The following MND1 variants were observed in gnomAD, a reference collection of about 807,000 sequenced individuals.
MND1 encodes meiotic nuclear division protein 1 homolog.
Under a neutral mutation model 35.1 loss-of-function variants are expected in MND1, and 28 were observed. The ratio of observed to expected loss-of-function variants is 0.80; its 90% CI spans 0.59 to 1.09. MND1 has a LOEUF of 1.09. Among genes scored for constraint, MND1 ranks in the 50% least tolerant of loss-of-function variants. The pLI, the probability that MND1 is intolerant of heterozygous loss-of-function variation, is 0.00. For missense variants in MND1, 213 were observed against 239.6 expected (o/e 0.89, Z 0.73); for synonymous variants, 69 against 70.5 (o/e 0.98, Z 0.11).
chr4:153,386,838 A>T (rs912772353), intron 4 of MND1, among the ~76,000 whole-genome samples: 1 of 152,226 alleles, frequency 6.6e-6, no homozygotes, highest in Non-Finnish European at 1.5e-5. Context: ...CATGTTTTTA[A>T]TGTTATCCAT....
chr4:153,395,247 AG>A (rs1401636266), intron 5 of MND1, among the ~76,000 whole-genome samples: 1 of 152,252 alleles, frequency 6.6e-6, no homozygotes, highest in Non-Finnish European at 1.5e-5. Context: ...AGTTGACAGT[AG>A]CAACTACTAC....
chr4:153,374,998 G>T (rs528031749), intron 4 of MND1, among the ~76,000 whole-genome samples: 101 of 152,200 alleles, frequency 6.6e-4, no homozygotes, highest in Non-Finnish European at 1.1e-3. Flanking sequence ...ACTTTAATTG[G>T]TAAGGCAAAA....
intron 6 of MND1, among the ~76,000 whole-genome samples, chr4:153,405,189 T>G (rs1487544811): frequency 1.3e-5 from 2 of 152,098 alleles, no homozygotes; most frequent in African/African-American, 2.4e-5. Context: ...AAAAGAATCT[T>G]GAAAAAGAAC....
intron 1 of MND1, among the ~76,000 whole-genome samples, chr4:153,346,895 C>A (rs992847478): frequency 6.6e-6 from 1 of 152,192 alleles, no homozygotes; most frequent in Non-Finnish European, 1.5e-5. Context: ...CACTGAAATT[C>A]TAAAGGGATT....
Position 153,358,457 on chromosome 4 carries a change from TA to T in MND1, c.128-12del. ...TGGTGTTTTTCTAACATAGAGTCTT[TA>T]AAAATTGTCTCTTAGCTGCTATGTC... is the stretch of plus-strand genomic sequence containing the variant. On this transcript the variant is annotated splice_polypyrimidine_tract_variant and intron_variant, in intron 3 of 7. Transcript: ENST00000240488. The T allele has an allele frequency of 6.4e-7, 1 of 1,568,364 alleles. No individual in the cohort carries two copies. Among genetic ancestry groups the T allele is most frequent in the East Asian group, 2.3e-5 (1 of 43,690 alleles).
chr4:153,364,590 A>G (rs1177324813), intron 4 of MND1, among the ~76,000 whole-genome samples: 1 of 152,234 alleles, frequency 6.6e-6, no homozygotes, highest in Non-Finnish European at 1.5e-5. Flanking sequence ...CTATTTGTAC[A>G]CCCACATTCA....
chr4:153,407,715 T>C (rs1240063135), intron 6 of MND1, among the ~76,000 whole-genome samples: 1 of 152,138 alleles, frequency 6.6e-6, no homozygotes, highest in Non-Finnish European at 1.5e-5. Flanking sequence ...AATGAGGTAT[T>C]GATACATGAA....
chr4:153,356,887 G>A (rs1178855604), intron 3 of MND1, among the ~76,000 whole-genome samples: 1 of 152,010 alleles, frequency 6.6e-6, no homozygotes, highest in Admixed American at 6.6e-5. Flanking sequence ...CAGTGGTGCA[G>A]TCCTGGCACA....
chr4:153,369,103 T>C (rs9761367), intron 4 of MND1, among the ~76,000 whole-genome samples: 4,467 of 152,296 alleles, frequency 0.029, 231 homozygotes, highest in African/African-American at 0.099. Context: ...TTATTGGATT[T>C]AGTTCCTTGC....
At chr4:153,348,329 G>A (rs1199496736) in intron 1 of MND1, among the ~76,000 whole-genome samples, 1 of 152,174 alleles carries the variant, frequency 6.6e-6, no homozygotes, top group East Asian at 1.9e-4. Context: ...TATGAGAGAG[G>A]AAGAGTTCAG....
chr4:153,360,287 A>G (rs1414776186), intron 4 of MND1, among the ~76,000 whole-genome samples: 1 of 152,116 alleles, frequency 6.6e-6, no homozygotes, highest in African/African-American at 2.4e-5. Context: ...TCATTATCTC[A>G]ACAGCATCTT....
intron 4 of MND1, among the ~76,000 whole-genome samples, chr4:153,392,776 C>T (rs564594937): frequency 6.6e-6 from 1 of 152,300 alleles, no homozygotes; most frequent in South Asian, 2.1e-4. Flanking sequence ...CCACATATAA[C>T]TTACCTACTT....
At chr4:153,402,687 G>A (rs1729375716) in intron 6 of MND1, among the ~76,000 whole-genome samples, 1 of 152,140 alleles carries the variant, frequency 6.6e-6, no homozygotes, top group Non-Finnish European at 1.5e-5. Context: ...GTGGTTCCCT[G>A]GAGGACACCA....
chr4:153,389,190 C>T (rs1444540706), intron 4 of MND1, among the ~76,000 whole-genome samples: 1 of 152,172 alleles, frequency 6.6e-6, no homozygotes, highest in Non-Finnish European at 1.5e-5. Context: ...TAATTTGTAG[C>T]TTGGCTTTCA....
At chr4:153,381,657 TATATAATATA>T (rs1223803247) in intron 4 of MND1, 4 of 106,364 alleles carry the variant, frequency 3.8e-5, no homozygotes, top group Non-Finnish European at 3.7e-5. Flanking sequence ...ATATATAATA[TATATAATATA>T]ATATATATAT....
chr4:153,393,368 CTTTTTTTTT>C (rs60689772), intron 4 of MND1, among the ~76,000 whole-genome samples: 1 of 125,336 alleles, frequency 8.0e-6, no homozygotes, highest in African/African-American at 3.0e-5. Flanking sequence ...CAATTTCTTT[CTTTTTTTTT>C]TTTTTTTTTT....
chr4:153,362,470 G>T (rs1407721892), intron 4 of MND1, among the ~76,000 whole-genome samples: 1 of 152,138 alleles, frequency 6.6e-6, no homozygotes, highest in East Asian at 1.9e-4. Context: ...TGCTCGCCCT[G>T]AGTAAAGGAT....
chr4:153,394,285 T>C lies in MND1; in HGVS notation c.300T>C (p.His100=). 3.1e-6 allele frequency: 5 copies of C among 1,612,784 alleles called. No homozygotes were observed. Among genetic ancestry groups the C allele is most frequent in the Non-Finnish European group, 4.2e-6 (5 of 1,179,150 alleles). The part of the protein sequence containing the change: ...ESQLSEGSQK[H]ASLQKSIEKA... The stretch of plus-strand genomic sequence containing the variant: ...AGTTGTCTGAGGGAAGTCAAAAGCA[T>C]GCAAGCCTACAGAAAAGCATTGAGA... The change falls in exon 5 of 8, where the codon CAT becomes CAC. Residue 100 remains histidine (H), a synonymous_variant. Coordinates refer to ENST00000240488, the MANE Select transcript of MND1 (RefSeq NM_032117.4).
chr4:153,350,032 G>A (rs758112105), intron 1 of MND1, 32 bp from the exon 2 acceptor site: 2 of 1,462,608 alleles, frequency 1.4e-6, no homozygotes, highest in South Asian at 1.2e-5. Flanking sequence ...GTGTTTAAAA[G>A]CATTGTTTAC....
Sources: allele counts gnomAD v4.1 joint callset (sites outside exome capture counted in the v4.1 genomes callset), GRCh38; gene constraint gnomAD v4.1.1; transcripts MANE v1.5; gene names NCBI Gene and HGNC (gene_info 2026-07-23, HGNC 2026-07-21).